Variants in CEP85 observed in about 807,000 individuals in gnomAD.
CEP85 encodes centrosomal protein of 85 kDa.
A neutral mutation model predicts 93.7 loss-of-function variants in CEP85; 58 were observed. That is an observed-to-expected ratio of 0.62 (90% CI 0.50 to 0.77). CEP85 has a LOEUF of 0.77. CEP85 is among the 30% of genes least tolerant of loss of function. The pLI is 0.00. For synonymous variants in CEP85, 314 were observed against 338.6 expected, an observed-to-expected ratio of 0.93 and a Z score of 0.80; for missense variants, 868 against 922.0, an observed-to-expected ratio of 0.94 and a Z score of 0.76.
Position 26,244,154 on chromosome 1 carries a change from C to T in CEP85, c.56-12C>T. On this transcript the variant is annotated splice_polypyrimidine_tract_variant and intron_variant, in intron 2 of 13. Transcript: ENST00000451429. ...GGTTCACAGTAAAGGTGGGAAATGC[C>T]TCTTGTTTCAGGTTCCGATGTGATT... The T allele has an allele frequency of 6.2e-7, 1 of 1,610,738 alleles. No homozygotes were observed. Among genetic ancestry groups the T allele is most frequent in the South Asian group, 1.1e-5 (1 of 90,718 alleles).
intron 5 of CEP85, 79 bp from the exon 6 acceptor site, chr1:26,258,064 T>C (rs1182853921): frequency 1.1e-6 from 1 of 906,386 alleles, no homozygotes; most frequent in Non-Finnish European, 1.8e-6. Context: ...GCTTACGTAA[T>C]AGGGATTGTA....
At chr1:26,235,116 A>G (rs968991189) in intron 1 of CEP85, among the ~76,000 whole-genome samples, 15 of 152,212 alleles carry the variant, frequency 9.9e-5, no homozygotes, top group African/African-American at 3.4e-4. Flanking sequence ...GTTCAACAGT[A>G]TATTCAACGC....
chr1:26,257,536 C>G, intron 4 of CEP85, 61 bp from the exon 5 acceptor site: 1 of 1,594,208 alleles, frequency 6.3e-7, no homozygotes, highest in Non-Finnish European at 8.6e-7. Context: ...GATTACTGCT[C>G]AGGTGTTTTC....
At chr1:26,271,395 G>A in intron 10 of CEP85, 1 of 305,916 alleles carries the variant, frequency 3.3e-6, no homozygotes, top group Admixed American at 4.7e-5. Context: ...AAAGTTTGGT[G>A]CACTTTATTC....
chr1:26,276,411 A>C (rs931886703), intron 12 of CEP85, 124 bp from the exon 13 acceptor site: 9 of 718,674 alleles, frequency 1.3e-5, no homozygotes, highest in Non-Finnish European at 2.0e-5. Context: ...TGGCAGGGGT[A>C]GGGTTGGGGA....
chr1:26,259,684 A>G lies in CEP85; in HGVS notation c.1223A>G (p.Glu408Gly). 6.2e-7 allele frequency: 1 copy of G among 1,614,132 alleles called. No individual in the cohort carries two copies. The highest frequency in any genetic ancestry group is 1.1e-5 in the South Asian group (1 of 91,076). ...CAGAAGACAGAAGCCTTGAGCAGAG[A>G]AAAGATTGACCTTGAAAAGAAACTC... ...FAQKTEALSR[E>G]KIDLEKKLSA... Residue 408 changes from glutamate to glycine, a missense_variant, in exon 7 of 14, where the codon GAA becomes GGA. By Grantham distance (98) the Glu-to-Gly change is moderately conservative. Coordinates refer to ENST00000451429, the MANE Select transcript of CEP85 (RefSeq NM_001319944.2).
At chr1:26,234,925 A>G (rs1304543965) in intron 1 of CEP85, among the ~76,000 whole-genome samples, 1 of 152,194 alleles carries the variant, frequency 6.6e-6, no homozygotes, top group African/African-American at 2.4e-5. Flanking sequence ...AGGGCTTGCT[A>G]CTGGCATCTA....
intron 5 of CEP85, 57 bp downstream of exon 5, chr1:26,257,787 C>T (rs1404917581): frequency 1.3e-6 from 2 of 1,588,066 alleles, no homozygotes; most frequent in African/African-American, 2.7e-5. Flanking sequence ...CCATTGAAGA[C>T]ACCTAATGGA....
At position 26,277,287 on chromosome 1, in the gene CEP85, A is replaced by T. The variant is rs761387877; in HGVS notation, c.2280A>T (p.Thr760=). 1.2e-5 allele frequency: 19 copies of T among 1,610,730 alleles called. No individual in the cohort carries two copies. The highest frequency in any genetic ancestry group is 1.6e-5 in the Non-Finnish European group (19 of 1,177,038). The change falls in exon 14 of 14, where the codon ACA becomes ACT. Residue 760 remains threonine, a synonymous_variant. Coordinates refer to ENST00000451429, the MANE Select transcript of CEP85 (RefSeq NM_001319944.2). ...AGGACATGGGAGAAAACTGTGTCAC[A>T]CAGTGAGGAATTCTGGGGGATTCCC... The part of the protein sequence containing the change: ...YAQDMGENCV[T]Q
rs189997659 is a variant in CEP85 at position 26,258,019 on chromosome 1, T to C, written c.1038-124T>C. 1,548 of 757,312 alleles carry C rather than the reference T, an allele frequency of 2.0e-3. 5 individuals are homozygous for C. The highest frequency in any genetic ancestry group is 2.0e-3 in the Non-Finnish European group (899 of 443,710). The allele number at this position is 757,312 out of a possible 1,614,324, so 46.9% of individuals were successfully genotyped here. On this transcript the variant is annotated intron_variant, in intron 5 of 13. Transcript: ENST00000451429. ...TATCTTTCTCATTTGTTCTTCTTCCTTCAGAAAATAGTGATATCCAGAATC... is the reference window on the plus strand; with the variant it reads ...TATCTTTCTCATTTGTTCTTCTTCCCTCAGAAAATAGTGATATCCAGAATC...
Position 26,255,853 on chromosome 1 carries a change from G to C in CEP85, c.891G>C (p.Met297Ile), listed in dbSNP as rs1483322225. Residue 297 changes from methionine (M) to isoleucine (I), a missense_variant, in exon 4 of 14, where the codon ATG becomes ATC. By Grantham distance (10) the Met-to-Ile change is conservative. Transcript: ENST00000451429. ...RQQLELIRLQ[M>I]EQMQLQNGAI... ...AGCTGGAATTGATTCGTTTACAGATGGAGCAAATGCAGGTAGAGGTCTATC... is the reference window on the plus strand; with the variant it reads ...AGCTGGAATTGATTCGTTTACAGATCGAGCAAATGCAGGTAGAGGTCTATC... 2 of 1,607,878 alleles carry C rather than the reference G, an allele frequency of 1.2e-6. No homozygotes were observed. Among genetic ancestry groups the C allele is most frequent in the African/African-American group, 2.7e-5 (2 of 74,742 alleles).
chr1:26,265,528 T>G (rs1317719012), intron 7 of CEP85, among the ~76,000 whole-genome samples: 1 of 152,224 alleles, frequency 6.6e-6, no homozygotes, highest in Non-Finnish European at 1.5e-5. Context: ...CTCCAGAGAA[T>G]AGTCTCCTGA....
chr1:26,242,872 T>G (rs1334323172), intron 2 of CEP85, among the ~76,000 whole-genome samples: 4 of 152,186 alleles, frequency 2.6e-5, no homozygotes, highest in Admixed American at 2.6e-4. Context: ...AGAAAATAAA[T>G]TTAAGTCTTT....
chr1:26,244,131 T>C, intron 2 of CEP85, 35 bp from the exon 3 acceptor site: 1 of 1,603,130 alleles, frequency 6.2e-7, no homozygotes, highest in Non-Finnish European at 8.5e-7. Flanking sequence ...CATCAGCTGG[T>C]TCACAGTAAA....
At chr1:26,258,317 T>G in intron 6 of CEP85, 57 bp downstream of exon 6, 1 of 1,087,190 alleles carries the variant, frequency 9.2e-7, no homozygotes, top group Non-Finnish European at 1.4e-6. Flanking sequence ...GTCTTCCCTA[T>G]GCTTGACACC....
chr1:26,276,598 G>C lies in CEP85; in HGVS notation c.1966G>C (p.Ala656Pro). The stretch of plus-strand genomic sequence containing the variant: ...GACACTCCAGGAACACCTGCGCCAG[G>C]CCCAACCAGGGTCTCCACCTTCACC... ...NLTLQEHLRQ[A>P]QPGSPPSPDT... Residue 656 changes from alanine to proline, a missense_variant, in exon 13 of 14, where the codon GCC (alanine) becomes CCC (proline). Ala to Pro is a conservative substitution (Grantham distance 27). Coordinates refer to ENST00000451429, the MANE Select transcript of CEP85 (RefSeq NM_001319944.2). 6.2e-7 allele frequency: 1 copy of C among 1,614,210 alleles called. No homozygotes were observed. The highest frequency in any genetic ancestry group is 8.5e-7 in the Non-Finnish European group (1 of 1,180,034).
In CEP85 at chr1:26,265,076, C is replaced by T. The variant is rs545606377; in HGVS notation, c.1342-3407C>T. Among the ~76,000 whole-genome samples, 451 of 150,642 alleles carry T rather than the reference C, an allele frequency of 3.0e-3. 3 individuals are homozygous for T. The highest frequency in any genetic ancestry group is 0.01 in the African/African-American group (426 of 40,930). On this transcript the variant is annotated intron_variant, in intron 7 of 13. Transcript: ENST00000451429. ...CTTGGCCACTGCAGCCTCCATCTCC[C>T]GGGTTCAAGCGATTCTCCTGCCTCA...
At chr1:26,268,355 G>T in intron 7 of CEP85, 128 bp from the exon 8 acceptor site, 1 of 983,502 alleles carries the variant, frequency 1.0e-6, no homozygotes, top group Non-Finnish European at 1.6e-6. Flanking sequence ...CTACTCCAGG[G>T]GCTGAGGTAG....
At chr1:26,272,459 C>A in intron 11 of CEP85, 1 of 217,654 alleles carries the variant, frequency 4.6e-6, no homozygotes, top group South Asian at 9.4e-5. Context: ...CATGAAACAG[C>A]ATAGTTTGAA....
Sources: gnomAD v4.1 joint callset for allele counts (sites outside exome capture counted in the v4.1 genomes callset) on GRCh38, gnomAD v4.1.1 for gene constraint, MANE v1.5 for transcripts, NCBI Gene and HGNC (gene_info 2026-07-23, HGNC 2026-07-21) for gene names.